The following PPAN variants were observed in gnomAD, a reference collection of about 807,000 sequenced individuals.
PPAN encodes peter pan homolog.
PPAN carries 39 observed loss-of-function variants against 48.5 expected under a neutral mutation model. The observed-to-expected ratio is 0.80, with a 90% CI of 0.62 to 1.05. PPAN has a LOEUF of 1.05. PPAN is among the 50% of genes least tolerant of loss of function. The pLI, the probability that PPAN is intolerant of heterozygous loss-of-function variation, is 0.00. For synonymous variants in PPAN, 315 were observed against 268.6 expected (o/e 1.17, Z -1.69); for missense variants, 736 against 661.7 (o/e 1.11, Z -1.23).
At chr19:10,106,274 C>A, upstream of PPAN, 1 of 1,483,440 alleles carries the variant, frequency 6.7e-7, no homozygotes. Flanking sequence ...CTCCCAGAGG[C>A]CACCTAGTGC....
At position 10,110,341 on chromosome 19, in the gene PPAN, A is replaced by G. The variant is rs1384223953; in HGVS notation, c.840A>G (p.Thr280=). The G allele has an allele frequency of 1.2e-6, 2 of 1,613,646 alleles. No homozygotes were observed. Among genetic ancestry groups the G allele is most frequent in the Non-Finnish European group, 1.7e-6 (2 of 1,179,940 alleles). The change falls in exon 9 of 12, where the codon ACA becomes ACG. Residue 280 remains threonine, a synonymous_variant. Transcript: ENST00000253107. This position sits in a 1 kb window ranked among gnomAD's most constrained non-coding sequence, Gnocchi z 5.9. ...CCCCTCAGATCGGCCCGCGGATGAC[A>G]CTGCAGCTCATCAAGGTCCAGGAGG... The part of the protein sequence containing the change: ...VRLTEIGPRM[T]LQLIKVQEGV...
In PPAN at chr19:10,111,158, T is replaced by C; in HGVS notation, c.1415T>C (p.Val472Ala). 6.3e-7 allele frequency: 1 copy of C among 1,585,514 alleles called. No homozygotes were observed. Reference protein sequence around the residue: ...GRGRGRPGKRVA With the variant: ...GRGRGRPGKRAA ...GGCCGGGGCCGCCCAGGGAAGAGAG[T>C]GGCCTGAGCCCAAGCCGCACCGGAG... The change falls in exon 12 of 12, where the codon GTG (valine) becomes GCG (alanine). Residue 472 changes from valine to alanine, a missense_variant. Coordinates refer to ENST00000253107, the MANE Select transcript of PPAN (RefSeq NM_020230.7).
chr19:10,109,663 C>T lies in PPAN; in HGVS notation c.546C>T (p.Leu182=). 1 of 1,614,060 alleles carries T rather than the reference C, an allele frequency of 6.2e-7. No individual in the cohort carries two copies. The change falls in exon 6 of 12, where the codon CTC becomes CTT. Residue 182 remains leucine (L), a synonymous_variant. Coordinates refer to ENST00000253107, the MANE Select transcript of PPAN (RefSeq NM_020230.7). ...VNLNTIKRCL[L]IDYNPDSQEL... ...TGAACACCATCAAGCGCTGCCTCCT[C>T]ATCGACTACAACCCCGACTCCCAGG... is the stretch of plus-strand genomic sequence containing the variant.
chr19:10,106,968 C>T (rs1392194434), intron 2 of PPAN: 1 of 637,668 alleles, frequency 1.6e-6, no homozygotes, highest in South Asian at 1.6e-5. Flanking sequence ...GGGAGGATCA[C>T]TTGAGCCCAG....
At chr19:10,109,327 C>G (rs142871802) in intron 5 of PPAN, among the ~76,000 whole-genome samples, 134 of 152,174 alleles carry the variant, frequency 8.8e-4, no homozygotes, top group African/African-American at 3.1e-3. Context: ...ACAAGCAATC[C>G]TGCAGCCTCC....
Position 10,111,832 on chromosome 19 carries a change from C to T in PPAN, c.*667C>T, listed in dbSNP as rs2089090197. 6.8e-7 allele frequency: 1 copy of T among 1,474,176 alleles called. No individual in the cohort carries two copies. Among genetic ancestry groups the T allele is most frequent in the Non-Finnish European group, 9.4e-7 (1 of 1,064,922 alleles). 91.3% of individuals were successfully genotyped at this position (1,474,176 alleles called of 1,614,324 possible). On this transcript the variant is annotated 3_prime_UTR_variant, in exon 12 of 12. Transcript: ENST00000253107. ...ATTGGTAAAACACCTAGGTCTGGGG[C>T]TGGGCACGGTGGCTCACGCCTGTAA...
rs201441934 is a variant in PPAN, at chr19:10,110,778, G to A, written c.1113G>A (p.Ala371=). The change falls in exon 11 of 12, where the codon GCG becomes GCA. Residue 371 remains alanine, a synonymous_variant. Transcript: ENST00000253107. The surrounding 1 kb of genome is among the most constrained non-coding windows in gnomAD (Gnocchi z 5.9). ...EEASGIPSRT[A]SLELGEDDDE... ...CCTCTGGGATCCCTTCAAGGACGGC[G>A]AGCCTGGAGTTGGGTGAGGACGATG... The A allele has an allele frequency of 1.9e-5, 31 of 1,613,882 alleles. No individual in the cohort carries two copies. Among genetic ancestry groups the A allele is most frequent in the South Asian group, 1.6e-4 (15 of 91,088 alleles).
chr19:10,109,652 C>G lies in PPAN; in HGVS notation c.535C>G (p.Arg179Gly), dbSNP rs757518926. 3 of 1,613,884 alleles carry G rather than the reference C, an allele frequency of 1.9e-6. No individual in the cohort carries two copies. Among genetic ancestry groups the G allele is most frequent in the Non-Finnish European group, 2.5e-6 (3 of 1,179,864 alleles). ...CCAGGTGAACCTGAACACCATCAAG[C>G]GCTGCCTCCTCATCGACTACAACCC... ...VHKVNLNTIKRCLLIDYNPDS... is the reference protein window; with the variant it reads ...VHKVNLNTIKGCLLIDYNPDS... The change falls in exon 6 of 12, where the codon CGC becomes GGC. Residue 179 changes from arginine (R) to glycine (G), a missense_variant. Arg to Gly is a moderately radical substitution (Grantham distance 125). Transcript: ENST00000253107.
At chr19:10,107,671 C>G in intron 3 of PPAN, 65 bp downstream of exon 3, 1 of 1,541,700 alleles carries the variant, frequency 6.5e-7, no homozygotes, top group East Asian at 2.3e-5. Context: ...TCATGATGAA[C>G]ACATATGCCT....
chr19:10,108,144 G>C lies in PPAN; in HGVS notation c.513+10G>C. ...CATCAACGTGCACAAGGTGGGTCTG[G>C]CCTGGCGAGGTGGCAGGTATGGGGG... On this transcript the variant is annotated intron_variant, in intron 5 of 11. Transcript: ENST00000253107. 1.2e-6 allele frequency: 2 copies of C among 1,602,400 alleles called. No individual in the cohort carries two copies. Among genetic ancestry groups the C allele is most frequent in the Non-Finnish European group, 1.7e-6 (2 of 1,173,832 alleles).
Position 10,111,252 on chromosome 19 carries a change from T to A in PPAN, c.*87T>A. The A allele has an allele frequency of 4.4e-6, 6 of 1,360,772 alleles. No homozygotes were observed. The highest frequency in any genetic ancestry group is 5.8e-6 in the Non-Finnish European group (6 of 1,026,954). The allele number at this position is 1,360,772 out of a possible 1,614,324, so 84.3% of individuals were successfully genotyped here. ...CCCTCGGTTTCCTTTCATAAAGGAG[T>A]TGTGTCCCCAGCCCTTCCACTCCAG... On this transcript the variant is annotated 3_prime_UTR_variant, in exon 12 of 12. Transcript: ENST00000253107.
intron 5 of PPAN, 91 bp from the exon 6 acceptor site, chr19:10,109,540 T>C: frequency 7.1e-7 from 1 of 1,408,726 alleles, no homozygotes; most frequent in East Asian, 2.3e-5. Flanking sequence ...AGTGCCACAG[T>C]CCACGAACAG....
rs2305791 is a variant in PPAN, at chr19:10,107,848, C to G, written c.336C>G (p.Val112=). 522,592 of 1,612,586 alleles carry G rather than the reference C, an allele frequency of 0.32. 87,942 individuals are homozygous for G. The highest frequency in any genetic ancestry group is 0.41 in the Admixed American group (24,510 of 59,902). ...LPGGPTLTFQ[V]KKYSLVRDVV... Reference sequence around the variant, plus strand: ...GAGGCCCCACCTTGACCTTCCAGGTCAAGAAGGTGAGAGGGGTGGAGGTGG... The same window carrying G: ...GAGGCCCCACCTTGACCTTCCAGGTGAAGAAGGTGAGAGGGGTGGAGGTGG... Residue 112 remains valine (V), a synonymous_variant, in exon 4 of 12, where the codon GTC becomes GTG. Coordinates refer to ENST00000253107, the MANE Select transcript of PPAN (RefSeq NM_020230.7).
At chr19:10,108,618 G>A (rs975550679) in intron 5 of PPAN, among the ~76,000 whole-genome samples, 2 of 152,140 alleles carry the variant, frequency 1.3e-5, no homozygotes, top group East Asian at 1.9e-4. Context: ...CCGGTGTGGC[G>A]GTGCATGCCT....
At chr19:10,107,708 A>G in intron 3 of PPAN, 96 bp from the exon 4 acceptor site, 5 of 1,607,428 alleles carry the variant, frequency 3.1e-6, no homozygotes, top group Non-Finnish European at 3.4e-6. Context: ...TCTGGCTTCA[A>G]AGTAAACGCT....
Position 10,106,574 on chromosome 19 carries a change from C to G in PPAN, c.92C>G (p.Ser31Trp). The change falls in exon 2 of 12, where the codon TCG becomes TGG. Residue 31 changes from serine to tryptophan, a missense_variant. Coordinates refer to ENST00000253107, the MANE Select transcript of PPAN (RefSeq NM_020230.7). ...GAGGCCTATGCCGCGAACCCGCACT[C>G]GTTCGTGTTCACGCGAGGCTGCACG... Reference protein sequence around the residue: ...NLEAYAANPHSFVFTRGCTGR... With the variant: ...NLEAYAANPHWFVFTRGCTGR... 1 of 1,552,848 alleles carries G rather than the reference C, an allele frequency of 6.4e-7. No individual in the cohort carries two copies. The highest frequency in any genetic ancestry group is 8.7e-7 in the Non-Finnish European group (1 of 1,148,834).
chr19:10,109,519 C>T (rs987820962), intron 5 of PPAN, 112 bp from the exon 6 acceptor site: 7 of 1,258,422 alleles, frequency 5.6e-6, no homozygotes, highest in South Asian at 1.5e-5. Flanking sequence ...CTGGAAGCAG[C>T]ATTTCTAGCC....
intron 2 of PPAN, 45 bp from the exon 3 acceptor site, chr19:10,107,460 C>A: frequency 6.3e-7 from 1 of 1,595,638 alleles, no homozygotes; most frequent in Non-Finnish European, 8.5e-7. Context: ...GTTGTCACAA[C>A]AAGGGATAAG....
rs1341404785 is a variant in PPAN at position 10,111,701 on chromosome 19, G to C, written c.*536G>C. Reference sequence around the variant, plus strand: ...CTGGGGAACTGGGTAGCAGACACAGGCTGAGGATCGGCACGGGAGCATGGC... The same window carrying C: ...CTGGGGAACTGGGTAGCAGACACAGCCTGAGGATCGGCACGGGAGCATGGC... On this transcript the variant is annotated 3_prime_UTR_variant, in exon 12 of 12. Transcript: ENST00000253107. The C allele has an allele frequency of 2.5e-6, 4 of 1,613,602 alleles. No homozygotes were observed. Among genetic ancestry groups the C allele is most frequent in the African/African-American group, 1.3e-5 (1 of 74,896 alleles).
Sources: allele counts gnomAD v4.1 joint callset (sites outside exome capture counted in the v4.1 genomes callset), GRCh38; gene constraint gnomAD v4.1.1; non-coding constraint Gnocchi (gnomAD v3.1); transcripts MANE v1.5; gene names NCBI Gene and HGNC (gene_info 2026-07-23, HGNC 2026-07-21).